Variants in ZNF732 observed in about 807,000 individuals in gnomAD.
ZNF732 encodes the protein zinc finger protein LOC654254.
A neutral mutation model predicts 11.5 loss-of-function variants in ZNF732; 12 were observed. That is an observed-to-expected ratio of 1.05 (90% CI 0.67 to 1.70). The LOEUF (loss-of-function observed/expected upper bound fraction) is 1.70, where lower values mean the gene tolerates loss of function less well. Ranked by LOEUF, ZNF732 falls within the 40% of genes most tolerant of loss-of-function variation. The probability of loss-of-function intolerance (pLI) is 0.00; values close to 1 mark genes in which losing one functional copy is unlikely to be tolerated. For missense variants in ZNF732, 702 were observed against 676.9 expected (o/e 1.04, Z -0.41); for synonymous variants, 231 against 236.5 (o/e 0.98, Z 0.21).
chr4:296,132 C>G lies in ZNF732; in HGVS notation c.27G>C (p.Val9=), dbSNP rs1719947283. Residue 9 remains valine, a synonymous_variant, in exon 2 of 4, where the codon GTG becomes GTC. Transcript: ENST00000419098. Reference sequence around the variant, plus strand: ...ACTCTTCTGGAGAGAATTCTATGGCCACATCCCTGAATGTTAAGAGTTCCT... The same window carrying G: ...ACTCTTCTGGAGAGAATTCTATGGCGACATCCCTGAATGTTAAGAGTTCCT... MELLTFRD[V]AIEFSPEEWK... is the part of the protein sequence containing the mutation. The G allele has an allele frequency of 6.2e-7, 1 of 1,612,748 alleles. No individual in the cohort carries two copies. Among genetic ancestry groups the G allele is most frequent in the Non-Finnish European group, 8.5e-7 (1 of 1,179,674 alleles).
intron 3 of ZNF732, among the ~76,000 whole-genome samples, chr4:286,062 A>C (rs1553840561): frequency 6.6e-6 from 1 of 152,192 alleles, no homozygotes; most frequent in Admixed American, 6.5e-5. Context: ...TGCGAAGATG[A>C]GTTTTGTCTC....
intron 1 of ZNF732, among the ~76,000 whole-genome samples, chr4:299,710 TA>T (rs1174243308): frequency 1.0e-3 from 147 of 143,662 alleles, no homozygotes; most frequent in Middle Eastern, 3.6e-3. Flanking sequence ...TTTTTTTTTT[TA>T]AAGAGATGGA....
At chr4:289,428 G>A (rs1719795857) in intron 3 of ZNF732, among the ~76,000 whole-genome samples, 1 of 152,134 alleles carries the variant, frequency 6.6e-6, no homozygotes, top group Non-Finnish European at 1.5e-5. Context: ...AACTCTCCAG[G>A]CTCTCCATCT....
chr4:282,606 T>C (rs919255011), intron 3 of ZNF732, among the ~76,000 whole-genome samples: 1 of 152,054 alleles, frequency 6.6e-6, no homozygotes, highest in East Asian at 1.9e-4. Flanking sequence ...GAGGCTGATA[T>C]GGGAAAAGTG....
At position 270,838 on chromosome 4, in the gene ZNF732, T is replaced by G. The variant is rs934951423; in HGVS notation, c.*261A>C. ...GGACCATCTAAAAGCTTTGCCACAT[T>G]CTTCACATTTGTAGGGTTGCTCTCC... On this transcript the variant is annotated 3_prime_UTR_variant, in exon 4 of 4. Transcript: ENST00000419098. 1.9e-5 allele frequency: 13 copies of G among 672,326 alleles called. No individual in the cohort carries two copies. Among genetic ancestry groups the G allele is most frequent in the Non-Finnish European group, 2.8e-5 (10 of 359,580 alleles). The allele number at this position is 672,326 out of a possible 1,614,324, so 41.6% of individuals were successfully genotyped here.
At position 270,897 on chromosome 4, in the gene ZNF732, G is replaced by C. The variant is rs180779269; in HGVS notation, c.*202C>G. 2 of 718,870 alleles carry C rather than the reference G, an allele frequency of 2.8e-6. No individual in the cohort carries two copies. Among genetic ancestry groups the C allele is most frequent in the African/African-American group, 1.8e-5 (1 of 56,684 alleles). 44.5% of individuals were successfully genotyped at this position (718,870 alleles called of 1,614,324 possible). On this transcript the variant is annotated 3_prime_UTR_variant, in exon 4 of 4. Transcript: ENST00000419098. ...TTTTCTTATGTTGATTCAGGTATGC[G>C]GACTGTTTGAAGGCTTTCCCACATT... is the stretch of plus-strand genomic sequence containing the variant.
intron 1 of ZNF732, among the ~76,000 whole-genome samples, chr4:303,636 G>A (rs778523299): frequency 1.5e-4 from 23 of 152,122 alleles, no homozygotes; most frequent in Non-Finnish European, 2.8e-4. Context: ...AACAAAAAAT[G>A]TTTTCAAACT....
At chr4:288,481 C>A (rs1332333683) in intron 3 of ZNF732, among the ~76,000 whole-genome samples, 1 of 152,168 alleles carries the variant, frequency 6.6e-6, no homozygotes, top group East Asian at 1.9e-4. Context: ...TATTCCAACA[C>A]CATTTATTAA....
intron 3 of ZNF732, among the ~76,000 whole-genome samples, chr4:282,020 G>A (rs776190436): frequency 1.3e-4 from 20 of 152,262 alleles, no homozygotes; most frequent in South Asian, 8.3e-4. Flanking sequence ...GAACCAAGGC[G>A]ATATGCTGGA....
At chr4:279,022 T>C (rs1047270937) in intron 3 of ZNF732, among the ~76,000 whole-genome samples, 6 of 152,222 alleles carry the variant, frequency 3.9e-5, no homozygotes, top group African/African-American at 1.4e-4. Context: ...AAAGGTTGTT[T>C]ACCCTTAAAG....
rs782224334 is a variant in ZNF732, at chr4:271,623, GA to G, written c.1233del (p.His412IlefsTer22). The G allele has an allele frequency of 1.2e-6, 2 of 1,611,686 alleles. No individual in the cohort carries two copies. The highest frequency in any genetic ancestry group is 1.7e-6 in the Non-Finnish European group (2 of 1,178,724). On this transcript the variant is annotated frameshift_variant, in exon 4 of 4. Coordinates refer to ENST00000419098, the MANE Select transcript of ZNF732 (RefSeq NM_001137608.3). LOFTEE classifies it low-confidence loss of function (END_TRUNC). ...CATTTGTGGGGCCTCTCTCCAGTAT[GA>G]ATTCTCTTATGTTCATTAAGGGTTG... is the stretch of plus-strand genomic sequence containing the variant. Reference protein sequence around the residue: ...RFTTLNEHKRIHTGERPHKCE... With the variant: ...RFTTLNEHKRXHTGERPHKCE...
At chr4:304,257 A>G (rs903278371) in intron 1 of ZNF732, among the ~76,000 whole-genome samples, 1 of 151,970 alleles carries the variant, frequency 6.6e-6, no homozygotes, top group Non-Finnish European at 1.5e-5. Flanking sequence ...AGCAGGGTGC[A>G]GGGAAGGGAT....
Position 271,061 on chromosome 4 carries a change from G to T in ZNF732, c.*38C>A. ...AATTTTCTTATGTTCATTCAGGTTT[G>T]TGGATCATCCAAAGGCTTTGCCACA... On this transcript the variant is annotated 3_prime_UTR_variant, in exon 4 of 4. Coordinates refer to ENST00000419098, the MANE Select transcript of ZNF732 (RefSeq NM_001137608.3). 7.0e-7 allele frequency: 1 copy of T among 1,427,800 alleles called. No homozygotes were observed. Among genetic ancestry groups the T allele is most frequent in the Non-Finnish European group, 9.4e-7 (1 of 1,066,362 alleles). 88.4% of individuals were successfully genotyped at this position (1,427,800 alleles called of 1,614,324 possible).
At chr4:296,605 C>T (rs1553842314) in intron 1 of ZNF732, among the ~76,000 whole-genome samples, 2 of 152,192 alleles carry the variant, frequency 1.3e-5, no homozygotes, top group South Asian at 4.2e-4. Context: ...CCTACTGCAA[C>T]ACTGGGCTGA....
At chr4:283,325 C>T (rs1238963809) in intron 3 of ZNF732, among the ~76,000 whole-genome samples, 3 of 151,754 alleles carry the variant, frequency 2.0e-5, no homozygotes, top group Non-Finnish European at 2.9e-5. Flanking sequence ...AAAACACTCG[C>T]GAAATGTCTG....
chr4:272,250 CTT>C lies in ZNF732; in HGVS notation c.605_606del (p.Lys202ArgfsTer3). The C allele has an allele frequency of 1.2e-6, 2 of 1,612,760 alleles. No homozygotes were observed. The highest frequency in any genetic ancestry group is 1.7e-6 in the Non-Finnish European group (2 of 1,179,366). Reference sequence around the variant, plus strand: ...TTAAAGATTAAATACCATTTAAAGTCTTTGCCACATTCTTCACATGTGTAGGG... The same window carrying C: ...TTAAAGATTAAATACCATTTAAAGTCTGCCACATTCTTCACATGTGTAGGG... ...EKPYTCEECG[K>X]DFKWYLIFNE... On this transcript the variant is annotated frameshift_variant, in exon 4 of 4. Coordinates refer to ENST00000419098, the MANE Select transcript of ZNF732 (RefSeq NM_001137608.3). LOFTEE classifies it low-confidence loss of function (END_TRUNC).
chr4:301,575 G>T (rs1052673137), intron 1 of ZNF732, among the ~76,000 whole-genome samples: 1 of 152,178 alleles, frequency 6.6e-6, no homozygotes, highest in Non-Finnish European at 1.5e-5. Flanking sequence ...GTAGGGACAT[G>T]GATGAAGCTG....
At chr4:299,527 A>G (rs1326666598) in intron 1 of ZNF732, among the ~76,000 whole-genome samples, 1 of 132,950 alleles carries the variant, frequency 7.5e-6, no homozygotes, top group Non-Finnish European at 1.6e-5. Flanking sequence ...ATATATGTGT[A>G]TATATACATA....
rs540501762 is a variant in ZNF732 at position 303,991 on chromosome 4, C to T, written c.3+1317G>A. Among the ~76,000 whole-genome samples, 35 of 152,240 alleles carry T rather than the reference C, an allele frequency of 2.3e-4. No homozygotes were observed. In the East Asian group the frequency reaches 5.4e-3, roughly 24 times the overall value. On this transcript the variant is annotated intron_variant, in intron 1 of 3. Coordinates refer to ENST00000419098, the MANE Select transcript of ZNF732 (RefSeq NM_001137608.3). Reference sequence around the variant, plus strand: ...TGACTGATTCATGTGTCCATAAAGGCAGAGGAGATTAGGATCAGGTGGTCC... The same window carrying T: ...TGACTGATTCATGTGTCCATAAAGGTAGAGGAGATTAGGATCAGGTGGTCC...
Sources: allele counts gnomAD v4.1 joint callset (sites outside exome capture counted in the v4.1 genomes callset), GRCh38; gene constraint gnomAD v4.1.1; transcripts MANE v1.5; gene names NCBI Gene and HGNC (gene_info 2026-07-23, HGNC 2026-07-21).